BPIFB4: variants seen among roughly 807,000 people sequenced by gnomAD.
BPIFB4 encodes BPI fold-containing family B member 4.
A neutral mutation model predicts 69.2 loss-of-function variants in BPIFB4; 62 were observed. The ratio of observed to expected loss-of-function variants is 0.90; its 90% CI spans 0.73 to 1.11. The LOEUF (loss-of-function observed/expected upper bound fraction) is 1.11. Among genes scored for constraint, BPIFB4 ranks in the 50% least tolerant of loss-of-function variants. BPIFB4 has a pLI of 0.00. For synonymous variants in BPIFB4, 330 were observed against 332.7 expected, an observed-to-expected ratio of 0.99 and a Z score of 0.09; for missense variants, 789 against 792.0, an observed-to-expected ratio of 1.00 and a Z score of 0.04.
intron 14 of BPIFB4, among the ~76,000 whole-genome samples, chr20:33,102,462 G>A (rs953023667): frequency 2.0e-5 from 3 of 152,194 alleles, no homozygotes; most frequent in Non-Finnish European, 4.4e-5. Flanking sequence ...TCCCATCTCA[G>A]AACAGCACAA....
rs1176212088 is a variant in BPIFB4 at position 33,083,682 on chromosome 20, C to A, written c.485C>A (p.Ala162Asp). Residue 162 changes from alanine (A) to aspartate (D), a missense_variant, in exon 5 of 18, where the codon GCC becomes GAC. Coordinates refer to ENST00000375483, the MANE Select transcript of BPIFB4 (RefSeq NM_182519.3). ...LQPGEIPPGVATGAVGPGGLL... is the reference protein window; with the variant it reads ...LQPGEIPPGVDTGAVGPGGLL... ...CCTGGAGAAATCCCACCTGGAGTTG[C>A]CACTGGGGCGGTGGGCCCAGGTGGT... 6.2e-7 allele frequency: 1 copy of A among 1,614,018 alleles called. No individual in the cohort carries two copies. The highest frequency in any genetic ancestry group is 8.5e-7 in the Non-Finnish European group (1 of 1,179,968).
chr20:33,107,238 G>A (rs1173248659), intron 16 of BPIFB4, among the ~76,000 whole-genome samples: 10 of 132,424 alleles, frequency 7.6e-5, no homozygotes, highest in African/African-American at 2.5e-4. Context: ...AGGAAGGAAG[G>A]AAAGAAAAGA....
chr20:33,110,477 T>C (rs890888933), intron 17 of BPIFB4, among the ~76,000 whole-genome samples: 1 of 152,214 alleles, frequency 6.6e-6, no homozygotes, highest in Admixed American at 6.5e-5. Flanking sequence ...TATTTTTCCC[T>C]TAGTAGCTAA....
intron 7 of BPIFB4, among the ~76,000 whole-genome samples, chr20:33,088,031 G>A (rs1004057082): frequency 1.3e-5 from 2 of 152,050 alleles, no homozygotes; most frequent in African/African-American, 4.8e-5. Context: ...GAGGTCCGGC[G>A]GTCAGAGACA....
chr20:33,106,184 T>C (rs559880092), intron 16 of BPIFB4, among the ~76,000 whole-genome samples: 1 of 152,218 alleles, frequency 6.6e-6, no homozygotes, highest in South Asian at 2.1e-4. Context: ...CTCTTCCTGC[T>C]CTCTTTCTAG....
At chr20:33,106,442 G>A (rs185585931) in intron 16 of BPIFB4, among the ~76,000 whole-genome samples, 8 of 147,690 alleles carry the variant, frequency 5.4e-5, no homozygotes, top group South Asian at 2.1e-4. Flanking sequence ...GCACGATCTC[G>A]GCTCACTGCA....
rs201505694 is a variant in BPIFB4 at position 33,083,735 on chromosome 20, G to T, written c.538G>T (p.Ala180Ser). ...GLLGTGGMLA[A>S]DGILAGQGGL... is the part of the protein sequence containing the mutation. Reference sequence around the variant, plus strand: ...GCTGGGCACTGGAGGCATGCTGGCAGCTGATGGCATCCTCGCAGGCCAAGG... The same window carrying T: ...GCTGGGCACTGGAGGCATGCTGGCATCTGATGGCATCCTCGCAGGCCAAGG... Residue 180 changes from alanine to serine, a missense_variant, in exon 5 of 18, where the codon GCT becomes TCT. Physicochemically the swap from Ala to Ser is moderately conservative, Grantham distance 99 (BLOSUM62 1). Transcript: ENST00000375483. 1 of 1,614,044 alleles carries T rather than the reference G, an allele frequency of 6.2e-7. No individual in the cohort carries two copies. Among genetic ancestry groups the T allele is most frequent in the Non-Finnish European group, 8.5e-7 (1 of 1,179,962 alleles).
chr20:33,087,809 G>T (rs1282777308), intron 7 of BPIFB4, among the ~76,000 whole-genome samples: 2 of 151,290 alleles, frequency 1.3e-5, no homozygotes, highest in African/African-American at 2.4e-5. Flanking sequence ...CATCTGAGGA[G>T]AGGTGGAACC....
Position 33,111,540 on chromosome 20 carries a change from A to C in BPIFB4, c.*103A>C, listed in dbSNP as rs1982238796. ...CCTGCCCAGAGTCCCCTCAGCCTCCATGACAGGTCCCTCCCTGGCCCCCCA... is the reference window on the plus strand; with the variant it reads ...CCTGCCCAGAGTCCCCTCAGCCTCCCTGACAGGTCCCTCCCTGGCCCCCCA... On this transcript the variant is annotated 3_prime_UTR_variant, in exon 18 of 18. Transcript: ENST00000375483. The C allele has an allele frequency of 1.4e-6, 2 of 1,443,306 alleles. No individual in the cohort carries two copies. Among genetic ancestry groups the C allele is most frequent in the African/African-American group, 2.8e-5 (2 of 71,294 alleles). The allele number at this position is 1,443,306 out of a possible 1,614,324, so 89.4% of individuals were successfully genotyped here. A position where few individuals can be genotyped will look rare whatever the true frequency, so the allele number is the denominator to read the frequency against.
At chr20:33,110,027 A>G (rs1018465137) in intron 17 of BPIFB4, among the ~76,000 whole-genome samples, 5 of 152,204 alleles carry the variant, frequency 3.3e-5, no homozygotes, top group African/African-American at 1.2e-4. Flanking sequence ...CCCTAATGTT[A>G]GCATCTTACA....
rs1982051268 is a variant in BPIFB4, at chr20:33,106,267, G to T, written c.1744+1394G>T. ...CAGCACATCCCACGGCAGAGTCAAT[G>T]GCTAGGGCTCCACGTGCACTTTCCA... On this transcript the variant is annotated intron_variant, in intron 16 of 17. Coordinates refer to ENST00000375483, the MANE Select transcript of BPIFB4 (RefSeq NM_182519.3). Among the ~76,000 whole-genome samples, 3 of 152,280 alleles carry T rather than the reference G, an allele frequency of 2.0e-5. No individual in the cohort carries two copies. In the South Asian group the frequency reaches 6.2e-4, roughly 32 times the overall value.
chr20:33,093,549 T>C (rs1981671388), intron 11 of BPIFB4, among the ~76,000 whole-genome samples: 1 of 95,092 alleles, frequency 1.1e-5, no homozygotes, highest in African/African-American at 3.6e-5. Flanking sequence ...AACCCACCCA[T>C]CCTTCCATCA....
chr20:33,090,455 G>T (rs192048216), intron 9 of BPIFB4, among the ~76,000 whole-genome samples: 1 of 152,162 alleles, frequency 6.6e-6, no homozygotes, highest in Admixed American at 6.5e-5. Flanking sequence ...CCCCACCAAC[G>T]TAGTCCCAGA....
chr20:33,089,639 G>C (rs1411525211), intron 9 of BPIFB4, 81 bp downstream of exon 9: 2 of 1,607,196 alleles, frequency 1.2e-6, no homozygotes, highest in Non-Finnish European at 1.7e-6. Flanking sequence ...AATGTGGTGG[G>C]GGCCACAGAC....
At chr20:33,094,010 A>G (rs954480268) in intron 11 of BPIFB4, among the ~76,000 whole-genome samples, 2 of 152,202 alleles carry the variant, frequency 1.3e-5, no homozygotes, top group Admixed American at 1.3e-4. Context: ...GAGCTTTCGC[A>G]GACATCATGA....
At chr20:33,082,071 G>T (rs1981247408) in intron 3 of BPIFB4, among the ~76,000 whole-genome samples, 1 of 152,160 alleles carries the variant, frequency 6.6e-6, no homozygotes. Context: ...GACTTAGAAG[G>T]CCCTCAAAAG....
chr20:33,081,333 A>C (rs1457944596), intron 2 of BPIFB4, among the ~76,000 whole-genome samples, 179 bp from the exon 3 acceptor site: 1 of 152,212 alleles, frequency 6.6e-6, no homozygotes, highest in Non-Finnish European at 1.5e-5. Flanking sequence ...CAATTTGAAA[A>C]ACTCAAAAGG....
Position 33,101,871 on chromosome 20 carries a change from A to G in BPIFB4, c.1638-1101A>G, listed in dbSNP as rs1014973860. On this transcript the variant is annotated intron_variant, in intron 14 of 17. Transcript: ENST00000375483. ...TTCCTTTAATTCTTGATATAAGCCT[A>G]TGGAAATAAGTACTATCATTATTTC... 2.6e-5 allele frequency among the ~76,000 whole-genome samples: 4 copies of G among 152,334 alleles called. No individual in the cohort carries two copies. In the East Asian group the frequency reaches 5.8e-4, roughly 22 times the overall value.
At chr20:33,087,463 C>T (rs910738000) in intron 7 of BPIFB4, among the ~76,000 whole-genome samples, 2 of 152,112 alleles carry the variant, frequency 1.3e-5, no homozygotes, top group Non-Finnish European at 2.9e-5. Context: ...ATCCAAACAT[C>T]GAGAGCTTCC....
Sources: gnomAD v4.1 joint callset for allele counts (sites outside exome capture counted in the v4.1 genomes callset) on GRCh38, gnomAD v4.1.1 for gene constraint, MANE v1.5 for transcripts, NCBI Gene and HGNC (gene_info 2026-07-23, HGNC 2026-07-21) for gene names.